RAB3IP: variants seen among roughly 807,000 people sequenced by gnomAD.
RAB3IP encodes rab-3A-interacting protein.
Under a neutral mutation model 59.1 loss-of-function variants are expected in RAB3IP, and 36 were observed. The observed-to-expected ratio is 0.61, with a 90% CI of 0.47 to 0.80. The LOEUF is 0.80. Among genes scored for constraint, RAB3IP ranks in the 30% least tolerant of loss-of-function variants. The pLI, the probability that RAB3IP is intolerant of heterozygous loss-of-function variation, is 0.00. For synonymous variants in RAB3IP, 207 were observed against 191.2 expected, an observed-to-expected ratio of 1.08 and a Z score of -0.68; for missense variants, 511 against 536.0, an observed-to-expected ratio of 0.95 and a Z score of 0.46.
intron 3 of RAB3IP, among the ~76,000 whole-genome samples, chr12:69,763,587 T>G (rs766888396): frequency 5.3e-5 from 8 of 152,378 alleles, no homozygotes; most frequent in Non-Finnish European, 4.4e-5. Flanking sequence ...CTTCAGGATC[T>G]TGATCTCACT....
chr12:69,767,483 C>A (rs1161049901), intron 3 of RAB3IP, among the ~76,000 whole-genome samples: 2 of 152,238 alleles, frequency 1.3e-5, no homozygotes, highest in Non-Finnish European at 2.9e-5. Flanking sequence ...TCACTCATGG[C>A]AAGCACAAAC....
At chr12:69,746,571 T>C (rs2136104165) in intron 1 of RAB3IP, among the ~76,000 whole-genome samples, 1 of 152,360 alleles carries the variant, frequency 6.6e-6, no homozygotes, top group East Asian at 1.9e-4. Flanking sequence ...ATCTGTATTC[T>C]TAGCACTTAG....
chr12:69,740,122 T>C (rs1370118134), intron 1 of RAB3IP, among the ~76,000 whole-genome samples: 1 of 152,178 alleles, frequency 6.6e-6, no homozygotes, highest in Non-Finnish European at 1.5e-5. Flanking sequence ...AAAGACCCAG[T>C]TCTTGTTCAT....
At position 69,812,894 on chromosome 12, in the gene RAB3IP, T is replaced by C; in HGVS notation, c.1230+17T>C. 6.2e-7 allele frequency: 1 copy of C among 1,604,806 alleles called. No individual in the cohort carries two copies. The highest frequency in any genetic ancestry group is 2.2e-5 in the East Asian group (1 of 44,822). Reference sequence around the variant, plus strand: ...AGATACAGGGTAAGTGACTTAACCATGAATTTTAATAAAGCTTGCTTTGAT... The same window carrying C: ...AGATACAGGGTAAGTGACTTAACCACGAATTTTAATAAAGCTTGCTTTGAT... On this transcript the variant is annotated intron_variant, in intron 9 of 10. Transcript: ENST00000247833.
chr12:69,793,316 A>G (rs1159908649), intron 4 of RAB3IP, among the ~76,000 whole-genome samples: 1 of 152,210 alleles, frequency 6.6e-6, no homozygotes, highest in Non-Finnish European at 1.5e-5. Context: ...CAGTGTTACA[A>G]TACTGTAAAA....
chr12:69,820,498 CA>C lies in RAB3IP; in HGVS notation c.*5053del, dbSNP rs1266711577. 6.9e-6 allele frequency: 1 copy of C among 144,968 alleles called. No homozygotes were observed. The highest frequency in any genetic ancestry group is 2.1e-4 in the East Asian group (1 of 4,752). 9.0% of individuals were successfully genotyped at this position (144,968 alleles called of 1,614,324 possible). ...GCAGGGATCTTTATAAAACGAAAAT[CA>C]GATAATGTCACTTCCCTGCTTAAAG... is the stretch of plus-strand genomic sequence containing the variant. On this transcript the variant is annotated 3_prime_UTR_variant, in exon 11 of 11. Coordinates refer to ENST00000247833, the MANE Select transcript of RAB3IP (RefSeq NM_022456.5).
chr12:69,797,677 C>T (rs2136237929), intron 6 of RAB3IP, among the ~76,000 whole-genome samples: 1 of 151,754 alleles, frequency 6.6e-6, no homozygotes, highest in East Asian at 1.9e-4. Flanking sequence ...TACCCCATCC[C>T]CCCACCCCAC....
chr12:69,800,415 T>G (rs1037967565), intron 7 of RAB3IP, 78 bp downstream of exon 7: 7 of 803,426 alleles, frequency 8.7e-6, no homozygotes, highest in Non-Finnish European at 1.1e-5. Context: ...ATTACATATT[T>G]TAATATCTCT....
chr12:69,743,052 T>C (rs904394992), intron 1 of RAB3IP, among the ~76,000 whole-genome samples: 1 of 152,222 alleles, frequency 6.6e-6, no homozygotes, highest in African/African-American at 2.4e-5. Flanking sequence ...ATGAAATTCC[T>C]CTGAGGGGTA....
rs751229513 is a variant in RAB3IP, at chr12:69,800,253, G to T, written c.933G>T (p.Glu311Asp). The T allele has an allele frequency of 8.2e-6, 13 of 1,588,434 alleles. No individual in the cohort carries two copies. The highest frequency in any genetic ancestry group is 2.3e-5 in the South Asian group (2 of 86,048). Residue 311 changes from glutamate to aspartate, a missense_variant, in exon 7 of 11, where the codon GAG becomes GAT. By Grantham distance (45) the Glu-to-Asp change is conservative (BLOSUM62 2). Transcript: ENST00000247833. ...ATGAATTCCGATTGTGGAAGGATGA[G>T]CCCACAATGGACAGGACGTGTCCTT... is the stretch of plus-strand genomic sequence containing the variant. ...LYNEFRLWKD[E>D]PTMDRTCPFL...
chr12:69,795,706 A>G (rs1877333116), intron 6 of RAB3IP: 1 of 346,612 alleles, frequency 2.9e-6, no homozygotes. Context: ...TGAAAATAAG[A>G]TGATTTTCTT....
intron 1 of RAB3IP, among the ~76,000 whole-genome samples, chr12:69,740,489 G>C (rs921847038): frequency 7.2e-5 from 11 of 152,090 alleles, no homozygotes; most frequent in African/African-American, 2.7e-4. Context: ...TTCCATTACA[G>C]TAATGTTACA....
intron 3 of RAB3IP, among the ~76,000 whole-genome samples, chr12:69,781,381 C>T (rs1345937888): frequency 6.6e-6 from 1 of 152,140 alleles, no homozygotes; most frequent in Non-Finnish European, 1.5e-5. Flanking sequence ...GACACATTGT[C>T]TCCCAAAGTT....
chr12:69,762,313 G>A (rs1240204746), intron 3 of RAB3IP, among the ~76,000 whole-genome samples: 1 of 152,180 alleles, frequency 6.6e-6, no homozygotes, highest in African/African-American at 2.4e-5. Flanking sequence ...TTCTTATTAA[G>A]TATAGATCCT....
At chr12:69,811,261 T>A (rs1175947483) in intron 8 of RAB3IP, among the ~76,000 whole-genome samples, 8 of 151,954 alleles carry the variant, frequency 5.3e-5, no homozygotes, top group African/African-American at 1.9e-4. Context: ...AGGGAGAAGA[T>A]CAGGAAGAAT....
At chr12:69,796,103 C>G (rs1689367383) in intron 6 of RAB3IP, 1 of 152,328 alleles carries the variant, frequency 6.6e-6, no homozygotes, top group Admixed American at 6.6e-5. Flanking sequence ...GAGTTCGAGA[C>G]CAGCCTGACC....
At chr12:69,784,914 C>G (rs1784657369) in intron 4 of RAB3IP, 99 bp downstream of exon 4, 3 of 646,938 alleles carry the variant, frequency 4.6e-6, no homozygotes, top group Non-Finnish European at 8.2e-6. Context: ...TGCTTAGCTT[C>G]ATGTATATTT....
intron 8 of RAB3IP, among the ~76,000 whole-genome samples, chr12:69,804,068 C>T (rs555836506): frequency 5.9e-5 from 9 of 152,144 alleles, no homozygotes; most frequent in South Asian, 4.1e-4. Context: ...CCTGAGGAAT[C>T]GCCACACTGA....
At chr12:69,755,950 G>A (rs566602678) in intron 2 of RAB3IP, among the ~76,000 whole-genome samples, 1 of 152,300 alleles carries the variant, frequency 6.6e-6, no homozygotes, top group Admixed American at 6.5e-5. Flanking sequence ...AATGAGAGTG[G>A]TTGTGTTCCA....
Sources: allele counts gnomAD v4.1 joint callset (sites outside exome capture counted in the v4.1 genomes callset), GRCh38; gene constraint gnomAD v4.1.1; transcripts MANE v1.5; gene names NCBI Gene and HGNC (gene_info 2026-07-23, HGNC 2026-07-21).